The following DOCK8 variants were observed in gnomAD, a reference collection of about 807,000 sequenced individuals.
DOCK8 encodes dedicator of cytokinesis protein 8.
DOCK8 carries 141 observed loss-of-function variants against 245.6 expected under a neutral mutation model. That is an observed-to-expected ratio of 0.57 (90% CI 0.50 to 0.66). The LOEUF (loss-of-function observed/expected upper bound fraction) is 0.66. Among genes scored for constraint, DOCK8 ranks in the 30% least tolerant of loss-of-function variants. The pLI is 0.00. For synonymous variants in DOCK8, 1,168 were observed against 970.2 expected, an observed-to-expected ratio of 1.20 and a Z score of -3.79; for missense variants, 2,965 against 2,603.4, an observed-to-expected ratio of 1.14 and a Z score of -3.02.
At chr9:230,671 ATG>A (rs2131371460) in intron 1 of DOCK8, among the ~76,000 whole-genome samples, 1 of 151,338 alleles carries the variant, frequency 6.6e-6, no homozygotes, top group East Asian at 1.9e-4. Flanking sequence ...GCATTTTTTC[ATG>A]TGTTTTTTGG....
intron 4 of DOCK8, among the ~76,000 whole-genome samples, chr9:298,618 AGTGTGTGT>A (rs34998339): frequency 9.1e-4 from 133 of 145,392 alleles, no homozygotes; most frequent in Middle Eastern, 7.0e-3. Context: ...CACATCTGTA[AGTGTGTGT>A]GTGTGTGTGT....
intron 1 of DOCK8, chr9:215,335 G>A (rs543388988): frequency 2.5e-6 from 4 of 1,602,232 alleles, no homozygotes; most frequent in East Asian, 2.3e-5. Context: ...ACAGGTGGCC[G>A]GGTCCCAGAA....
At chr9:422,452 G>T (rs192465748) in intron 33 of DOCK8, among the ~76,000 whole-genome samples, 1 of 152,304 alleles carries the variant, frequency 6.6e-6, no homozygotes, top group East Asian at 1.9e-4. Flanking sequence ...AGGACACGGT[G>T]CCTAGGACCG....
intron 1 of DOCK8, among the ~76,000 whole-genome samples, chr9:260,572 T>G (rs1447372168): frequency 6.6e-6 from 1 of 152,246 alleles, no homozygotes; most frequent in South Asian, 2.1e-4. Flanking sequence ...GCAATTCCAA[T>G]TCTAGGACTT....
intron 1 of DOCK8, among the ~76,000 whole-genome samples, chr9:234,380 A>G (rs2047197824): frequency 6.6e-6 from 1 of 151,978 alleles, no homozygotes. Flanking sequence ...GTGTCTTGGA[A>G]TTGCTTTTCT....
intron 14 of DOCK8, chr9:365,731 G>C: frequency 2.3e-6 from 1 of 434,252 alleles, no homozygotes; most frequent in Non-Finnish European, 4.5e-6. Flanking sequence ...TCAAATCTCA[G>C]CTCTCTGCCT....
At chr9:295,287 G>C (rs1049585433) in intron 4 of DOCK8, among the ~76,000 whole-genome samples, 1 of 152,138 alleles carries the variant, frequency 6.6e-6, no homozygotes, top group Non-Finnish European at 1.5e-5. Context: ...TCTGGGAGTG[G>C]GGAAGAGGGC....
chr9:302,510 T>C (rs1215024333), intron 4 of DOCK8, among the ~76,000 whole-genome samples: 1 of 152,174 alleles, frequency 6.6e-6, no homozygotes, highest in Non-Finnish European at 1.5e-5. Flanking sequence ...GGGACTTAAT[T>C]AAACTAAAGA....
At chr9:289,709 G>C in intron 4 of DOCK8, 128 bp downstream of exon 4, 1 of 759,136 alleles carries the variant, frequency 1.3e-6, no homozygotes, top group Non-Finnish European at 2.1e-6. Flanking sequence ...GAGTTCTCAT[G>C]TATGCCTTCC....
intron 12 of DOCK8, among the ~76,000 whole-genome samples, chr9:337,847 A>G (rs1297988892): frequency 6.6e-6 from 1 of 152,136 alleles, no homozygotes; most frequent in African/African-American, 2.4e-5. Context: ...ACACTACTGA[A>G]TTGTGCACTT....
chr9:339,681 A>T (rs1315786893), intron 13 of DOCK8, among the ~76,000 whole-genome samples: 2 of 152,032 alleles, frequency 1.3e-5, no homozygotes, highest in African/African-American at 4.8e-5. Flanking sequence ...CGCCCAGCTT[A>T]TTTTTTGTAT....
chr9:345,525 C>G (rs942178921), intron 14 of DOCK8, among the ~76,000 whole-genome samples: 1 of 152,198 alleles, frequency 6.6e-6, no homozygotes, highest in Non-Finnish European at 1.5e-5. Flanking sequence ...CAGAGTCACA[C>G]ATTTTAGGAT....
chr9:374,996 G>C (rs1247744203), intron 18 of DOCK8, among the ~76,000 whole-genome samples: 1 of 152,144 alleles, frequency 6.6e-6, no homozygotes, highest in Non-Finnish European at 1.5e-5. Context: ...CTGCAGATTG[G>C]TGACATGCTG....
At position 340,146 on chromosome 9, in the gene DOCK8, T is replaced by A; in HGVS notation, c.1517-13T>A. ...AGTTTCTTTACTAGAACATTCCTAT[T>A]TTCTCTCTTTAGGCTTGCTAAGACT... is the stretch of plus-strand genomic sequence containing the variant. On this transcript the variant is annotated splice_polypyrimidine_tract_variant and intron_variant, in intron 13 of 47. Transcript: ENST00000432829. 1.2e-6 allele frequency: 2 copies of A among 1,613,676 alleles called. No homozygotes were observed. Among genetic ancestry groups the A allele is most frequent in the African/African-American group, 1.3e-5 (1 of 75,012 alleles).
chr9:287,149 G>T (rs10968084), intron 3 of DOCK8, among the ~76,000 whole-genome samples: 6,057 of 152,218 alleles, frequency 0.04, 266 homozygotes, highest in African/African-American at 0.11. Flanking sequence ...ATAAAAAGAT[G>T]AATAAGTCAA....
chr9:215,163 G>C, intron 1 of DOCK8, 134 bp downstream of exon 1: 1 of 1,493,358 alleles, frequency 6.7e-7, no homozygotes, highest in Non-Finnish European at 8.9e-7. Context: ...GACCTGGGGC[G>C]CCCGGTTCCC....
At chr9:220,172 T>G (rs948255811) in intron 1 of DOCK8, among the ~76,000 whole-genome samples, 1 of 152,202 alleles carries the variant, frequency 6.6e-6, no homozygotes, top group African/African-American at 2.4e-5. Flanking sequence ...GCTTGGGCAA[T>G]CAGACACAGA....
intron 2 of DOCK8, among the ~76,000 whole-genome samples, chr9:280,375 G>C (rs2048525666): frequency 6.6e-6 from 1 of 152,198 alleles, no homozygotes; most frequent in Non-Finnish European, 1.5e-5. Flanking sequence ...ATGAATGAAA[G>C]GAGGCGTATC....
At chr9:420,758 C>G (rs1379074743) in intron 31 of DOCK8, among the ~76,000 whole-genome samples, 175 bp downstream of exon 31, 2 of 152,234 alleles carry the variant, frequency 1.3e-5, no homozygotes, top group Non-Finnish European at 2.9e-5. Flanking sequence ...GGGAAAGGAT[C>G]TCTGCCTTCT....
Sources: allele counts gnomAD v4.1 joint callset (sites outside exome capture counted in the v4.1 genomes callset), GRCh38; gene constraint gnomAD v4.1.1; transcripts MANE v1.5; gene names NCBI Gene and HGNC (gene_info 2026-07-23, HGNC 2026-07-21).